MID1: variants seen among roughly 807,000 people sequenced by gnomAD.
MID1 encodes the protein E3 ubiquitin-protein ligase Midline-1.
Under a neutral mutation model 40.4 loss-of-function variants are expected in MID1, and 7 were observed. The ratio of observed to expected loss-of-function variants is 0.17; its 90% CI spans 0.10 to 0.33. The LOEUF (loss-of-function observed/expected upper bound fraction) is 0.33, where lower values mean the gene tolerates loss of function less well. MID1 is among the 10% of genes least tolerant of loss of function. The pLI is 1.00. For missense variants in MID1, 367 were observed against 558.5 expected (o/e 0.66, Z 3.46); for synonymous variants, 229 against 221.2 (o/e 1.04, Z -0.31).
intron 1 of MID1, among the ~76,000 whole-genome samples, chrX:10,571,870 C>G (rs1459251264): frequency 1.8e-5 from 2 of 109,566 alleles, no homozygotes; most frequent in African/African-American, 6.7e-5. Flanking sequence ...GCCTGGGCAA[C>G]AGAGTGAGCC....
chrX:10,539,481 C>T (rs1451025010), intron 2 of MID1, among the ~76,000 whole-genome samples: 1 of 111,768 alleles, frequency 8.9e-6, no homozygotes, highest in Non-Finnish European at 1.9e-5. Context: ...TTCTATTTTA[C>T]ATAATGATGA....
intron 1 of MID1, among the ~76,000 whole-genome samples, chrX:10,639,613 T>C (rs190872918): frequency 0.014 from 1,603 of 111,560 alleles, 28 homozygotes; most frequent in African/African-American, 0.046. Context: ...CAGGAGAACC[T>C]CCCCAACCTA....
At chrX:10,623,272 GGAAA>G (rs1191421344), upstream of MID1, among the ~76,000 whole-genome samples, 5 of 94,463 alleles carry the variant, frequency 5.3e-5, no homozygotes, top group East Asian at 3.1e-4. Context: ...AATAAAGAAA[GGAAA>G]GAAAGAAAGA....
chrX:10,677,478 C>T (rs1480938979), intron 1 of MID1: 3 of 112,491 alleles, frequency 2.7e-5, no homozygotes, highest in Non-Finnish European at 5.6e-5. Flanking sequence ...TTTATTACGT[C>T]ATTTAAAACC....
chrX:10,649,154 A>C (rs956709876), intron 1 of MID1, among the ~76,000 whole-genome samples: 23 of 111,727 alleles, frequency 2.1e-4, no homozygotes, highest in Non-Finnish European at 3.8e-4. Context: ...CTATAGGCAA[A>C]TTTTCTCCAT....
At chrX:10,455,426 C>T (rs1928602131) in intron 8 of MID1, among the ~76,000 whole-genome samples, 1 of 111,219 alleles carries the variant, frequency 9.0e-6, no homozygotes, top group Non-Finnish European at 1.9e-5. Flanking sequence ...GGTGGCATGC[C>T]AACTATTCAA....
chrX:10,833,478 T>C (rs1462143589), intron 1 of MID1: 3 of 112,482 alleles, frequency 2.7e-5, no homozygotes, highest in Non-Finnish European at 3.7e-5. Context: ...CAACGCCTCT[T>C]ACTTTGCTTC....
intron 1 of MID1, among the ~76,000 whole-genome samples, chrX:10,645,462 G>A (rs1936252518): frequency 8.9e-6 from 1 of 112,221 alleles, no homozygotes; most frequent in African/African-American, 3.2e-5. Context: ...CTTAGTGGTT[G>A]GTGCAAGAGT....
chrX:10,661,562 T>A (rs7888201), intron 1 of MID1, among the ~76,000 whole-genome samples: 7,263 of 110,133 alleles, frequency 0.066, 329 homozygotes, highest in African/African-American at 0.16. Flanking sequence ...ATCCACCCAC[T>A]TCGGCCTCCC....
At chrX:10,767,589 G>T (rs1281698438) in intron 1 of MID1, among the ~76,000 whole-genome samples, 1 of 111,920 alleles carries the variant, frequency 8.9e-6, no homozygotes, top group Non-Finnish European at 1.9e-5. Flanking sequence ...AAAGTGCTGG[G>T]ATTACAGGCA....
At chrX:10,666,721 G>A (rs1442997671) in intron 1 of MID1, among the ~76,000 whole-genome samples, 2 of 111,895 alleles carry the variant, frequency 1.8e-5, no homozygotes, top group Non-Finnish European at 3.8e-5. Flanking sequence ...AGGGAGCTCA[G>A]AGGAAAGTCG....
chrX:10,484,262 A>T (rs1190674238), intron 4 of MID1, among the ~76,000 whole-genome samples: 4 of 112,561 alleles, frequency 3.6e-5, no homozygotes, highest in Admixed American at 1.9e-4. Flanking sequence ...AGCATAAAGA[A>T]TCATTTAAAT....
At chrX:10,577,042 C>T (rs1041370570) in intron 1 of MID1, 1 of 112,143 alleles carries the variant, frequency 8.9e-6, no homozygotes, top group Admixed American at 9.4e-5. Flanking sequence ...CCACGGCCCC[C>T]GCCACAACTT....
chrX:10,592,638 G>GTA (rs1307787392), intron 1 of MID1, among the ~76,000 whole-genome samples: 2 of 109,768 alleles, frequency 1.8e-5, no homozygotes, highest in Admixed American at 9.8e-5. Context: ...ATATATACAT[G>GTA]TATATATATA....
intron 1 of MID1, among the ~76,000 whole-genome samples, chrX:10,605,743 A>G (rs1323234590): frequency 8.9e-6 from 1 of 111,972 alleles, no homozygotes; most frequent in Non-Finnish European, 1.9e-5. Context: ...ATTTCAGTGT[A>G]TTCTTTCTTC....
At chrX:10,469,910 T>C (rs1305249237) in intron 6 of MID1, 70 bp from the exon 7 acceptor site, 2 of 1,065,085 alleles carry the variant, frequency 1.9e-6, no homozygotes, top group East Asian at 3.0e-5. Context: ...GAGGAGATGT[T>C]TGACAGTTAA....
chrX:10,544,876 T>C (rs753075221), intron 2 of MID1, among the ~76,000 whole-genome samples: 5 of 112,726 alleles, frequency 4.4e-5, no homozygotes, highest in Non-Finnish European at 7.5e-5. Context: ...ATAGTAGAAA[T>C]GCAACATAAT....
chrX:10,656,109 C>A (rs961824544), intron 1 of MID1, among the ~76,000 whole-genome samples: 1 of 112,289 alleles, frequency 8.9e-6, no homozygotes, highest in Admixed American at 9.4e-5. Context: ...TAAAGTAAAA[C>A]AATTTTTTGC....
At chrX:10,518,898 G>A (rs935210071) in intron 3 of MID1, among the ~76,000 whole-genome samples, 8 of 111,902 alleles carry the variant, frequency 7.1e-5, no homozygotes, top group Admixed American at 6.7e-4. Context: ...TGAAAAGCCT[G>A]TATTGCAACT....
Sources: allele counts gnomAD v4.1 joint callset (sites outside exome capture counted in the v4.1 genomes callset), GRCh38; gene constraint gnomAD v4.1.1; transcripts MANE v1.5; gene names NCBI Gene and HGNC (gene_info 2026-07-23, HGNC 2026-07-21).